The following CCDC171 variants were observed in gnomAD, a reference collection of about 807,000 sequenced individuals.
The protein encoded by CCDC171 is coiled-coil domain-containing protein 171.
CCDC171 carries 177 observed loss-of-function variants against 168.2 expected under a neutral mutation model. That is an observed-to-expected ratio of 1.05 (90% CI 0.93 to 1.19). The LOEUF is 1.19. Among genes scored for constraint, CCDC171 ranks in the 50% most tolerant of loss-of-function variants. CCDC171 has a pLI of 0.00. For missense variants in CCDC171, 1,991 were observed against 1,539.0 expected, an observed-to-expected ratio of 1.29 and a Z score of -4.91; for synonymous variants, 687 against 540.8, an observed-to-expected ratio of 1.27 and a Z score of -3.75.
chr9:15,833,990 C>G (rs2060339300), intron 21 of CCDC171, among the ~76,000 whole-genome samples: 1 of 152,088 alleles, frequency 6.6e-6, no homozygotes, highest in Non-Finnish European at 1.5e-5. Context: ...TTTGAATGCA[C>G]TACAAAAATG....
At chr9:15,630,023 G>A (rs1054694214) in intron 7 of CCDC171, among the ~76,000 whole-genome samples, 2 of 152,172 alleles carry the variant, frequency 1.3e-5, no homozygotes, top group African/African-American at 2.4e-5. Flanking sequence ...AGCTCCTGAA[G>A]GAAGCACTAA....
intron 23 of CCDC171, among the ~76,000 whole-genome samples, chr9:15,852,777 C>A (rs2061186829): frequency 5.6e-5 from 2 of 35,978 alleles, no homozygotes; most frequent in South Asian, 3.2e-3. Context: ...AAAGGCCCAA[C>A]TTCATTTTTT....
intron 16 of CCDC171, among the ~76,000 whole-genome samples, chr9:15,736,954 A>G (rs1300844367): frequency 1.3e-5 from 2 of 152,128 alleles, no homozygotes; most frequent in Non-Finnish European, 2.9e-5. Flanking sequence ...GTGCCTGGCC[A>G]GAACTCACAT....
chr9:15,835,929 CTTTAT>C (rs1227245552), intron 21 of CCDC171, among the ~76,000 whole-genome samples: 1 of 151,938 alleles, frequency 6.6e-6, no homozygotes, highest in East Asian at 1.9e-4. Context: ...TGGTACCCCT[CTTTAT>C]TTTGTTATTG....
At chr9:15,644,360 G>A (rs1423235219) in intron 7 of CCDC171, among the ~76,000 whole-genome samples, 1 of 152,174 alleles carries the variant, frequency 6.6e-6, no homozygotes, top group East Asian at 1.9e-4. Flanking sequence ...CTGAGGTACT[G>A]GGTTCATCTC....
Position 15,848,937 on chromosome 9 carries a change from C to T in CCDC171, c.3458C>T (p.Thr1153Met), listed in dbSNP as rs376271554. ...VANHMRAVEN[T>M]LHKVRDQISL... ...AATCACATGAGAGCAGTAGAAAATA[C>T]GCTTCACAAGGTACTGTTATTTTTC... Residue 1153 changes from threonine to methionine, a missense_variant, in exon 23 of 26, where the codon ACG (threonine) becomes ATG (methionine). Transcript: ENST00000380701. 25 of 1,540,892 alleles carry T rather than the reference C, an allele frequency of 1.6e-5. No individual in the cohort carries two copies. The African/African-American group carries it at 1.8e-4, about 11-fold the overall frequency.
At chr9:15,783,765 G>A (rs2057791927) in intron 20 of CCDC171, among the ~76,000 whole-genome samples, 1 of 152,136 alleles carries the variant, frequency 6.6e-6, no homozygotes, top group Non-Finnish European at 1.5e-5. Flanking sequence ...GCCCTCCAAA[G>A]CAGTCATGAT....
chr9:15,623,362 T>C lies in CCDC171; in HGVS notation c.771T>C (p.Ser257=), dbSNP rs1218595648. 18 of 1,612,032 alleles carry C rather than the reference T, an allele frequency of 1.1e-5. No homozygotes were observed. The highest frequency in any genetic ancestry group is 1.4e-5 in the Non-Finnish European group (17 of 1,178,960). Reference sequence around the variant, plus strand: ...CTGACCTTTTACGGCGACAAACAAGTGAACTTGAATTTAGCACTCAACGAG... The same window carrying C: ...CTGACCTTTTACGGCGACAAACAAGCGAACTTGAATTTAGCACTCAACGAG... ...DCSDLLRRQT[S]ELEFSTQREE... is the part of the protein sequence containing the mutation. Residue 257 remains serine (S), a synonymous_variant, in exon 7 of 26, where the codon AGT becomes AGC. Coordinates refer to ENST00000380701, the MANE Select transcript of CCDC171 (RefSeq NM_173550.4).
chr9:15,650,142 T>G (rs990833608), intron 7 of CCDC171, among the ~76,000 whole-genome samples: 1 of 152,052 alleles, frequency 6.6e-6, no homozygotes, highest in Non-Finnish European at 1.5e-5. Context: ...AGCAAACTAT[T>G]GCAAGGACAA....
chr9:15,881,804 C>T (rs114566250), intron 24 of CCDC171, among the ~76,000 whole-genome samples: 118 of 152,200 alleles, frequency 7.8e-4, no homozygotes, highest in African/African-American at 2.8e-3. Context: ...GATTTCATTC[C>T]TAATTCATTG....
At chr9:15,899,769 T>C (rs1002702718) in intron 24 of CCDC171, among the ~76,000 whole-genome samples, 2 of 152,218 alleles carry the variant, frequency 1.3e-5, no homozygotes, top group African/African-American at 4.8e-5. Context: ...AACTATCAGA[T>C]GTGTGGTTTG....
intron 21 of CCDC171, among the ~76,000 whole-genome samples, chr9:15,845,440 A>G (rs1359666768): frequency 1.3e-5 from 2 of 152,070 alleles, no homozygotes; most frequent in African/African-American, 4.8e-5. Context: ...AACTTTCAAC[A>G]TTTAAAAATA....
At chr9:15,640,926 C>G (rs914508514) in intron 7 of CCDC171, among the ~76,000 whole-genome samples, 3 of 151,954 alleles carry the variant, frequency 2.0e-5, no homozygotes, top group Non-Finnish European at 2.9e-5. Context: ...GCCCCCCTTC[C>G]CTGCCCAGGT....
At chr9:15,697,713 A>T (rs2051323592) in intron 11 of CCDC171, among the ~76,000 whole-genome samples, 2 of 152,232 alleles carry the variant, frequency 1.3e-5, no homozygotes, top group Admixed American at 1.3e-4. Context: ...TTGCCAAAAA[A>T]TGCTGATGAT....
At chr9:15,948,566 C>G (rs1184290115) in intron 25 of CCDC171, among the ~76,000 whole-genome samples, 7 of 152,034 alleles carry the variant, frequency 4.6e-5, no homozygotes, top group Non-Finnish European at 8.8e-5. Context: ...TTGCATTGCT[C>G]TGATGGCCAG....
At chr9:15,980,280 AAAC>A (rs1251245812) in intron 3 of CCDC171, among the ~76,000 whole-genome samples, 3 of 152,218 alleles carry the variant, frequency 2.0e-5, no homozygotes, top group Non-Finnish European at 4.4e-5. Context: ...CCCCGAATTC[AAAC>A]AACAACTGGA....
At chr9:16,067,812 A>G in the CCDC171 span, among the ~76,000 whole-genome samples, 1 of 152,078 alleles carries the variant, frequency 6.6e-6, no homozygotes, top group African/African-American at 2.4e-5. Flanking sequence ...GTTCTGTTCC[A>G]TTGATCTATA....
intron 24 of CCDC171, chr9:15,887,865 T>C (rs971423704): frequency 2.6e-5 from 4 of 152,132 alleles, no homozygotes; most frequent in Non-Finnish European, 5.9e-5. Flanking sequence ...TGTAAACAAG[T>C]CTGGGCCAAC....
intron 4 of CCDC171, among the ~76,000 whole-genome samples, chr9:15,589,512 T>A (rs1273171419): frequency 1.3e-5 from 2 of 152,204 alleles, no homozygotes; most frequent in African/African-American, 2.4e-5. Context: ...ATGTGAAATG[T>A]CAACCCCCAC....
Sources: allele counts gnomAD v4.1 joint callset (sites outside exome capture counted in the v4.1 genomes callset), GRCh38; gene constraint gnomAD v4.1.1; transcripts MANE v1.5; gene names NCBI Gene and HGNC (gene_info 2026-07-23, HGNC 2026-07-21).